STOM: variants seen among roughly 807,000 people sequenced by gnomAD.
STOM encodes the protein stomatin.
In STOM, 25 loss-of-function variants were observed where a neutral mutation model predicts 30.6. The ratio of observed to expected loss-of-function variants is 0.82; its 90% CI spans 0.60 to 1.14. STOM has a LOEUF of 1.14. Ranked by LOEUF, STOM falls within the 50% of genes most tolerant of loss-of-function variation. STOM has a pLI of 0.00. For synonymous variants in STOM, 118 were observed against 130.8 expected (o/e 0.90, Z 0.67); for missense variants, 292 against 365.2 (o/e 0.80, Z 1.63).
At chr9:121,349,741 A>T (rs1253150947) in intron 4 of STOM, among the ~76,000 whole-genome samples, 2 of 152,214 alleles carry the variant, frequency 1.3e-5, no homozygotes, top group Non-Finnish European at 2.9e-5. Context: ...GAGGCACTAG[A>T]GAGTCAAGGT....
rs759436368 is a variant in STOM at position 121,354,668 on chromosome 9, T to G, written c.171A>C (p.Ile57=). The part of the protein sequence containing the change: ...PISIWMCIKI[I]KEYERAIIFR... ...AGATGATGGCTCTTTCATACTCTTT[T>G]ATAATCTAGAATAAAAACATGAATA... The change falls in exon 3 of 7, where the codon ATA becomes ATC. Residue 57 remains isoleucine (I), a synonymous_variant. Transcript: ENST00000286713. The G allele has an allele frequency of 6.2e-7, 1 of 1,604,068 alleles. No individual in the cohort carries two copies. Among genetic ancestry groups the G allele is most frequent in the Non-Finnish European group, 8.5e-7 (1 of 1,174,688 alleles).
intron 1 of STOM, 139 bp downstream of exon 1, chr9:121,369,988 A>G (rs1216802302): frequency 5.3e-6 from 4 of 761,558 alleles, no homozygotes; most frequent in African/African-American, 5.2e-5. Context: ...TCAGTTTACT[A>G]GGGAGGAGCC....
chr9:121,339,545 G>A lies in STOM; in HGVS notation c.*1657C>T. ...GACATCCATTGGCTGGATGGACAGA[G>A]TGGTTGAGCTAAAGAGAGCTATAAA... On this transcript the variant is annotated 3_prime_UTR_variant, in exon 7 of 7. Coordinates refer to ENST00000286713, the MANE Select transcript of STOM (RefSeq NM_004099.6). The A allele has an allele frequency of 8.1e-7, 1 of 1,230,474 alleles. No individual in the cohort carries two copies. The highest frequency in any genetic ancestry group is 1.6e-5 in the African/African-American group (1 of 64,492). 76.2% of individuals were successfully genotyped at this position (1,230,474 alleles called of 1,614,324 possible).
At chr9:121,360,193 G>A (rs148254255) in intron 1 of STOM, among the ~76,000 whole-genome samples, 3 of 152,272 alleles carry the variant, frequency 2.0e-5, no homozygotes, top group South Asian at 2.1e-4. Flanking sequence ...TTCTCAGCAA[G>A]TTTTCTAGCT....
At chr9:121,347,299 C>T (rs934447317) in intron 6 of STOM, among the ~76,000 whole-genome samples, 6 of 152,142 alleles carry the variant, frequency 3.9e-5, no homozygotes, top group Non-Finnish European at 8.8e-5. Context: ...TGAGATATCC[C>T]TGAAATTTTA....
chr9:121,368,707 G>A (rs1425634588), intron 1 of STOM, among the ~76,000 whole-genome samples: 5 of 152,148 alleles, frequency 3.3e-5, no homozygotes, highest in Admixed American at 1.3e-4. Context: ...TTGGGAGGCC[G>A]AGGCGTGTGG....
intron 1 of STOM, among the ~76,000 whole-genome samples, chr9:121,362,552 G>T (rs553433440): frequency 9.9e-5 from 15 of 152,198 alleles, no homozygotes; most frequent in South Asian, 2.1e-4. Flanking sequence ...TATTTCCTGT[G>T]TAAGTTAATT....
intron 1 of STOM, among the ~76,000 whole-genome samples, chr9:121,368,981 T>C (rs2064533785): frequency 6.6e-6 from 1 of 152,012 alleles, no homozygotes; most frequent in African/African-American, 2.4e-5. Context: ...TAGTTTCAAT[T>C]TTTGTTGTTG....
rs1564631312 is a variant in STOM, at chr9:121,357,441, T to TATATATATA, written c.62-1286_62-1285insTATATATAT. On this transcript the variant is annotated intron_variant, in intron 1 of 6. Coordinates refer to ENST00000286713, the MANE Select transcript of STOM (RefSeq NM_004099.6). ...TTTTAAATGATATATATATATATAT[T>TATATATATA]TATTTATTTATTTTTTGAGACAGAG... 1.3e-3 allele frequency among the ~76,000 whole-genome samples: 97 copies of TATATATATA among 74,106 alleles called. 7 individuals are homozygous for TATATATATA. In the South Asian group the frequency reaches 0.016, roughly 12 times the overall value. 48.6% of individuals were successfully genotyped at this position (74,106 alleles called of 152,430 possible).
intron 1 of STOM, among the ~76,000 whole-genome samples, chr9:121,361,380 C>CTTTT (rs5900482): frequency 2.4e-5 from 1 of 41,100 alleles, no homozygotes; most frequent in African/African-American, 8.5e-5. Context: ...CACTTGTGGA[C>CTTTT]TTTTTTTTTT....
At chr9:121,342,941 C>T (rs892193811) in intron 6 of STOM, among the ~76,000 whole-genome samples, 4 of 152,132 alleles carry the variant, frequency 2.6e-5, no homozygotes, top group African/African-American at 7.2e-5. Context: ...ATTTACCAGC[C>T]GAATGTCCTC....
chr9:121,339,880 T>G lies in STOM; in HGVS notation c.*1322A>C. ...TAAGTTTGACAGTATCTGCCCAAGATCATTAGACACTATATAGTCAATATA... is the reference window on the plus strand; with the variant it reads ...TAAGTTTGACAGTATCTGCCCAAGAGCATTAGACACTATATAGTCAATATA... On this transcript the variant is annotated 3_prime_UTR_variant, in exon 7 of 7. Transcript: ENST00000286713. 8.8e-7 allele frequency: 1 copy of G among 1,140,796 alleles called. No homozygotes were observed. The highest frequency in any genetic ancestry group is 1.1e-6 in the Non-Finnish European group (1 of 931,078). 70.7% of individuals were successfully genotyped at this position (1,140,796 alleles called of 1,614,324 possible). A position where few individuals can be genotyped will look rare whatever the true frequency, so the allele number is the denominator to read the frequency against.
rs1192257763 is a variant in STOM at position 121,341,514 on chromosome 9, T to C, written c.661-106A>G. The C allele has an allele frequency of 3.5e-6, 5 of 1,426,928 alleles. No individual in the cohort carries two copies. In the African/African-American group the frequency reaches 5.7e-5, roughly 16 times the overall value. The allele number at this position is 1,426,928 out of a possible 1,614,324, so 88.4% of individuals were successfully genotyped here. ...ACCTCAGGTGGTCCACAAAACTTTC[T>C]AGGGCGTATGCCAGAGTAGTTTTAA... On this transcript the variant is annotated intron_variant, in intron 6 of 6. Coordinates refer to ENST00000286713, the MANE Select transcript of STOM (RefSeq NM_004099.6).
intron 4 of STOM, among the ~76,000 whole-genome samples, chr9:121,352,286 A>T (rs1369188242): frequency 2.0e-5 from 3 of 152,242 alleles, no homozygotes; most frequent in Admixed American, 2.0e-4. Flanking sequence ...CACCGTTTTT[A>T]AAAATTTGTA....
At chr9:121,356,394 TA>T (rs1320949591) in intron 1 of STOM, among the ~76,000 whole-genome samples, 3 of 152,222 alleles carry the variant, frequency 2.0e-5, no homozygotes, top group African/African-American at 7.2e-5. Flanking sequence ...AGCAAACATT[TA>T]TTAAGCATCT....
chr9:121,355,740 G>A (rs1235124606), intron 2 of STOM, among the ~76,000 whole-genome samples: 2 of 152,152 alleles, frequency 1.3e-5, no homozygotes, highest in African/African-American at 4.8e-5. Flanking sequence ...AGTAAAGCCA[G>A]CAGTCAAACC....
intron 2 of STOM, among the ~76,000 whole-genome samples, chr9:121,355,152 GGGA>G (rs2064373566): frequency 6.7e-6 from 1 of 149,772 alleles, no homozygotes; most frequent in Non-Finnish European, 1.5e-5. Context: ...CAAGCTACAA[GGGA>G]GGATGAGACA....
At chr9:121,354,056 T>A (rs1040130626) in intron 3 of STOM, among the ~76,000 whole-genome samples, 9 of 152,250 alleles carry the variant, frequency 5.9e-5, no homozygotes, top group African/African-American at 2.2e-4. Flanking sequence ...GGGTAGGGAC[T>A]GTGTTTTAGT....
intron 1 of STOM, among the ~76,000 whole-genome samples, chr9:121,366,735 C>A (rs1211894502): frequency 6.6e-6 from 1 of 152,016 alleles, no homozygotes; most frequent in Admixed American, 6.6e-5. Flanking sequence ...TTTTTGTATA[C>A]CTACTATGTA....
Sources: gnomAD v4.1 joint callset for allele counts (sites outside exome capture counted in the v4.1 genomes callset) on GRCh38, gnomAD v4.1.1 for gene constraint, MANE v1.5 for transcripts, NCBI Gene and HGNC (gene_info 2026-07-23, HGNC 2026-07-21) for gene names.